Variants in INPP4B observed in about 807,000 individuals in gnomAD.
INPP4B encodes inositol polyphosphate-4-phosphatase type II B, also known as inositol polyphosphate 4-phosphatase type II.
In INPP4B, 55 loss-of-function variants were observed where a neutral mutation model predicts 122.5. The ratio of observed to expected loss-of-function variants is 0.45; its 90% CI spans 0.36 to 0.56. INPP4B has a LOEUF of 0.56. Ranked by LOEUF, INPP4B falls within the 20% of genes least tolerant of loss-of-function variation. The pLI is 0.00. For missense variants in INPP4B, 1,000 were observed against 1,097.7 expected, an observed-to-expected ratio of 0.91 and a Z score of 1.26; for synonymous variants, 403 against 388.7, an observed-to-expected ratio of 1.04 and a Z score of -0.43.
At chr4:142,076,064 G>C (rs994712180) in intron 25 of INPP4B, among the ~76,000 whole-genome samples, 1 of 152,022 alleles carries the variant, frequency 6.6e-6, no homozygotes, top group Non-Finnish European at 1.5e-5. Context: ...TGTGGATAAA[G>C]CTGATGGCTG....
At chr4:142,298,201 T>C (rs892233973) in intron 9 of INPP4B, among the ~76,000 whole-genome samples, 4 of 152,206 alleles carry the variant, frequency 2.6e-5, no homozygotes, top group Admixed American at 1.3e-4. Context: ...ATGAGCCTTG[T>C]TCTACTTAAC....
intron 2 of INPP4B, among the ~76,000 whole-genome samples, chr4:142,718,550 T>C (rs1764108873): frequency 6.6e-6 from 1 of 152,170 alleles, no homozygotes; most frequent in African/African-American, 2.4e-5. Flanking sequence ...AAGAGTGTCT[T>C]AACTGAACAT....
intron 12 of INPP4B, among the ~76,000 whole-genome samples, chr4:142,231,955 G>A (rs1303810501): frequency 6.6e-6 from 1 of 152,098 alleles, no homozygotes; most frequent in Non-Finnish European, 1.5e-5. Context: ...TAATTAAAAA[G>A]ACAGGCCTGC....
intron 3 of INPP4B, among the ~76,000 whole-genome samples, chr4:142,441,135 T>C (rs79807883): frequency 0.026 from 3,901 of 152,190 alleles, 186 homozygotes; most frequent in African/African-American, 0.089. Flanking sequence ...AGTGACATGA[T>C]CATACGTGAA....
intron 25 of INPP4B, among the ~76,000 whole-genome samples, chr4:142,066,958 G>A (rs190136004): frequency 0.015 from 2,224 of 152,262 alleles, 28 homozygotes; most frequent in Non-Finnish European, 0.024. Context: ...CTTGTCTGAT[G>A]GGTTTGAAGA....
chr4:142,430,156 T>A (rs954703325), intron 4 of INPP4B, among the ~76,000 whole-genome samples: 2 of 152,158 alleles, frequency 1.3e-5, no homozygotes, highest in African/African-American at 2.4e-5. Context: ...CACCTTTTTG[T>A]ATAAAAATTA....
intron 2 of INPP4B, among the ~76,000 whole-genome samples, chr4:142,523,276 T>C (rs1233239301): frequency 6.6e-6 from 1 of 152,080 alleles, no homozygotes; most frequent in African/African-American, 2.4e-5. Context: ...AGCCCCCAGA[T>C]AATTCGAATG....
intron 7 of INPP4B, among the ~76,000 whole-genome samples, chr4:142,372,616 A>G (rs1200550868): frequency 3.9e-5 from 6 of 152,060 alleles, no homozygotes; most frequent in Non-Finnish European, 7.4e-5. Flanking sequence ...GTTGGGAAGC[A>G]TTTCAATGAT....
intron 15 of INPP4B, among the ~76,000 whole-genome samples, chr4:142,176,112 C>CT (rs1828046956): frequency 1.3e-5 from 1 of 75,854 alleles, no homozygotes; most frequent in South Asian, 5.5e-4. Flanking sequence ...CACATGACTG[C>CT]TTTCTTTTAT....
chr4:142,794,203 G>A (rs1347377416), intron 1 of INPP4B, among the ~76,000 whole-genome samples: 3 of 152,078 alleles, frequency 2.0e-5, no homozygotes, highest in African/African-American at 7.2e-5. Context: ...CAAGGTAGGA[G>A]GACCTGTCTT....
At chr4:142,519,908 T>A (rs543239487) in intron 2 of INPP4B, among the ~76,000 whole-genome samples, 15 of 152,184 alleles carry the variant, frequency 9.9e-5, no homozygotes, top group African/African-American at 3.6e-4. Flanking sequence ...ACCTGAATAA[T>A]CTCTGTAATA....
chr4:142,371,826 T>C (rs995022189), intron 7 of INPP4B, among the ~76,000 whole-genome samples: 23 of 151,148 alleles, frequency 1.5e-4, no homozygotes, highest in African/African-American at 5.4e-4. Context: ...TTATACACTA[T>C]GGTGGGAATA....
At chr4:142,412,761 T>C (rs2149254496) in intron 5 of INPP4B, among the ~76,000 whole-genome samples, 1 of 152,308 alleles carries the variant, frequency 6.6e-6, no homozygotes, top group Middle Eastern at 3.4e-3. Flanking sequence ...TTAGCTTATT[T>C]TCAATCGGGC....
intron 24 of INPP4B, among the ~76,000 whole-genome samples, chr4:142,083,851 C>T (rs1314417131): frequency 6.6e-6 from 1 of 151,878 alleles, no homozygotes; most frequent in Non-Finnish European, 1.5e-5. Flanking sequence ...ACCATAATGG[C>T]TATTTATGAG....
intron 25 of INPP4B, among the ~76,000 whole-genome samples, chr4:142,053,174 T>C (rs978828940): frequency 6.6e-6 from 1 of 151,906 alleles, no homozygotes. Flanking sequence ...GGACAGTGAC[T>C]TCAAGGACCT....
intron 2 of INPP4B, among the ~76,000 whole-genome samples, chr4:142,535,783 T>G (rs1426383881): frequency 6.6e-6 from 1 of 152,154 alleles, no homozygotes; most frequent in African/African-American, 2.4e-5. Context: ...TCCATACTCT[T>G]CTCCATAGAA....
At chr4:142,846,437 C>G (rs569945552), upstream of INPP4B, 1 of 152,330 alleles carries the variant, frequency 6.6e-6, no homozygotes, top group East Asian at 1.9e-4. The surrounding 1 kb of genome is among the most constrained non-coding windows in gnomAD (Gnocchi z 5.1). Context: ...AGCAGCTCCC[C>G]CAGCCTCTGG....
At chr4:142,601,968 CAAAAAA>C (rs70949178) in intron 2 of INPP4B, among the ~76,000 whole-genome samples, 119 of 74,894 alleles carry the variant, frequency 1.6e-3, no homozygotes, top group African/African-American at 5.5e-3. Context: ...GACTCCATCT[CAAAAAA>C]AAAAAAAAAA....
chr4:142,046,492 G>C (rs188629817), intron 25 of INPP4B, among the ~76,000 whole-genome samples: 1 of 151,956 alleles, frequency 6.6e-6, no homozygotes, highest in Non-Finnish European at 1.5e-5. Context: ...TGAAGGAGGC[G>C]GGTAATCAAC....
Sources: gnomAD v4.1 joint callset for allele counts (sites outside exome capture counted in the v4.1 genomes callset) on GRCh38, gnomAD v4.1.1 for gene constraint, Gnocchi (gnomAD v3.1) non-coding constraint, MANE v1.5 for transcripts, NCBI Gene and HGNC (gene_info 2026-07-23, HGNC 2026-07-21) for gene names.